Variants in MGMT observed in about 807,000 individuals in gnomAD.
MGMT encodes the protein O-6-methylguanine-DNA methyltransferase.
A neutral mutation model predicts 15.9 loss-of-function variants in MGMT; 14 were observed. The observed-to-expected ratio is 0.88, with a 90% CI of 0.58 to 1.37. The LOEUF is 1.37. Among genes scored for constraint, MGMT ranks in the 40% most tolerant of loss-of-function variants. MGMT has a pLI of 0.00. For synonymous variants in MGMT, 130 were observed against 118.2 expected (o/e 1.10, Z -0.65); for missense variants, 282 against 268.1 (o/e 1.05, Z -0.36).
intron 2 of MGMT, chr10:129,694,373 C>T (rs1292467338): frequency 6.6e-6 from 1 of 152,278 alleles, no homozygotes. Context: ...TCCTGCCTTC[C>T]CCTGGGAGGG....
intron 2 of MGMT, among the ~76,000 whole-genome samples, chr10:129,544,506 C>A (rs1433781544): frequency 6.6e-6 from 1 of 152,214 alleles, no homozygotes; most frequent in Admixed American, 6.5e-5. Flanking sequence ...CATAATCTTG[C>A]AACAGCCATC....
rs1847698051 is a variant in MGMT at position 129,669,534 on chromosome 10, A to G, written c.126-38361A>G. Reference sequence around the variant, plus strand: ...GCTTAGAAAGCATTTATAAAATTTTATTAAATTCTTCTCGACATTTTTCTT... The same window carrying G: ...GCTTAGAAAGCATTTATAAAATTTTGTTAAATTCTTCTCGACATTTTTCTT... On this transcript the variant is annotated intron_variant, in intron 2 of 4. Transcript: ENST00000651593. Among the ~76,000 whole-genome samples, 3 of 152,228 alleles carry G rather than the reference A, an allele frequency of 2.0e-5. No individual in the cohort carries two copies. The South Asian group carries it at 6.2e-4, about 31-fold the overall frequency.
At chr10:129,582,347 G>A (rs1022507636) in intron 2 of MGMT, among the ~76,000 whole-genome samples, 14 of 152,158 alleles carry the variant, frequency 9.2e-5, no homozygotes, top group African/African-American at 3.1e-4. Flanking sequence ...GTCCCTCCTC[G>A]TGTTATAGTT....
At chr10:129,527,083 C>T (rs1845878670) in intron 1 of MGMT, among the ~76,000 whole-genome samples, 1 of 152,212 alleles carries the variant, frequency 6.6e-6, no homozygotes, top group African/African-American at 2.4e-5. Context: ...TGGGCTTGTG[C>T]TTCGCCGGAG....
chr10:129,651,424 A>C (rs1219106966), intron 2 of MGMT, among the ~76,000 whole-genome samples: 1 of 152,088 alleles, frequency 6.6e-6, no homozygotes, highest in Non-Finnish European at 1.5e-5. Context: ...AAAAAAAAGC[A>C]TTTTATAGAA....
intron 1 of MGMT, among the ~76,000 whole-genome samples, chr10:129,488,635 G>T (rs539260558): frequency 3.9e-4 from 59 of 152,288 alleles, no homozygotes; most frequent in African/African-American, 1.3e-3. Context: ...TCGTTTCAAA[G>T]TGCTTCCTTA....
chr10:129,621,910 A>G (rs1256986750), intron 2 of MGMT, among the ~76,000 whole-genome samples: 1 of 152,226 alleles, frequency 6.6e-6, no homozygotes, highest in Non-Finnish European at 1.5e-5. Context: ...TTTGTTAACT[A>G]TTAAGAGAGG....
intron 2 of MGMT, among the ~76,000 whole-genome samples, chr10:129,682,834 G>C (rs1303020280): frequency 2.0e-5 from 3 of 152,104 alleles, no homozygotes; most frequent in Non-Finnish European, 2.9e-5. Flanking sequence ...AAAAAAATTT[G>C]TGCCTTTTAC....
intron 2 of MGMT, among the ~76,000 whole-genome samples, chr10:129,563,000 T>C (rs576710873): frequency 6.6e-6 from 1 of 152,280 alleles, no homozygotes; most frequent in South Asian, 2.1e-4. Flanking sequence ...CTCAGTACAG[T>C]ATTGAATAAA....
intron 1 of MGMT, among the ~76,000 whole-genome samples, chr10:129,507,378 C>T (rs1177117036): frequency 6.6e-6 from 1 of 152,178 alleles, no homozygotes; most frequent in Non-Finnish European, 1.5e-5. Flanking sequence ...TCTGGTGGCA[C>T]ACAGACATTT....
At chr10:129,680,938 C>T (rs904834638) in intron 2 of MGMT, among the ~76,000 whole-genome samples, 1 of 152,206 alleles carries the variant, frequency 6.6e-6, no homozygotes, top group African/African-American at 2.4e-5. Context: ...AGTAAAGCGT[C>T]GCCACCATGC....
At chr10:129,603,449 A>G (rs1846848978) in intron 2 of MGMT, among the ~76,000 whole-genome samples, 1 of 152,248 alleles carries the variant, frequency 6.6e-6, no homozygotes, top group Non-Finnish European at 1.5e-5. Flanking sequence ...GATATGCATA[A>G]TAATAGCAAA....
intron 2 of MGMT, among the ~76,000 whole-genome samples, chr10:129,697,387 G>A (rs961698017): frequency 3.3e-5 from 5 of 152,188 alleles, no homozygotes; most frequent in East Asian, 1.9e-4. Context: ...TCTATTCCAC[G>A]GAGATGCCCC....
At chr10:129,736,914 T>G (rs1848569568) in intron 3 of MGMT, among the ~76,000 whole-genome samples, 1 of 152,260 alleles carries the variant, frequency 6.6e-6, no homozygotes, top group Admixed American at 6.5e-5. Context: ...TTGTAGAGTT[T>G]CTGCCAAGAG....
At chr10:129,647,021 C>T (rs1043329911) in intron 2 of MGMT, among the ~76,000 whole-genome samples, 12 of 151,966 alleles carry the variant, frequency 7.9e-5, no homozygotes, top group Admixed American at 1.3e-4. Flanking sequence ...CTTCCATTTT[C>T]CTCCCAGCCG....
intron 2 of MGMT, among the ~76,000 whole-genome samples, chr10:129,573,480 G>A (rs533207473): frequency 2.0e-4 from 31 of 151,850 alleles, no homozygotes; most frequent in Non-Finnish European, 4.0e-4. Flanking sequence ...TTTATGAGGT[G>A]CTTACACAAA....
At chr10:129,498,604 A>G (rs777182442) in intron 1 of MGMT, among the ~76,000 whole-genome samples, 6 of 152,134 alleles carry the variant, frequency 3.9e-5, no homozygotes, top group Non-Finnish European at 7.4e-5. Flanking sequence ...TTGTTACTCA[A>G]ATAGCCCCCA....
At chr10:129,560,661 C>G (rs1846266049) in intron 2 of MGMT, among the ~76,000 whole-genome samples, 1 of 152,184 alleles carries the variant, frequency 6.6e-6, no homozygotes, top group Non-Finnish European at 1.5e-5. Flanking sequence ...TGTGCCCTGA[C>G]AATTCAGCGT....
chr10:129,727,961 C>T (rs1472410325), intron 3 of MGMT, among the ~76,000 whole-genome samples: 3 of 152,196 alleles, frequency 2.0e-5, no homozygotes, highest in African/African-American at 7.2e-5. Flanking sequence ...GCAATCCCTT[C>T]TGGCTGGAGC....
Sources: gnomAD v4.1 joint callset for allele counts (sites outside exome capture counted in the v4.1 genomes callset) on GRCh38, gnomAD v4.1.1 for gene constraint, MANE v1.5 for transcripts, NCBI Gene and HGNC (gene_info 2026-07-23, HGNC 2026-07-21) for gene names.